ZER1: variants seen among roughly 807,000 people sequenced by gnomAD.
ZER1 encodes the protein protein zer-1 homolog.
Under a neutral mutation model 78.8 loss-of-function variants are expected in ZER1, and 11 were observed. The observed-to-expected ratio is 0.14, with a 90% CI of 0.09 to 0.23. ZER1 has a LOEUF of 0.23. Ranked by LOEUF, ZER1 falls within the 10% of genes least tolerant of loss-of-function variation. The probability of loss-of-function intolerance (pLI) is 1.00; values close to 1 mark genes in which losing one functional copy is unlikely to be tolerated. For missense variants in ZER1, 588 were observed against 996.9 expected, an observed-to-expected ratio of 0.59 and a Z score of 5.52; for synonymous variants, 400 against 407.0, an observed-to-expected ratio of 0.98 and a Z score of 0.21.
At chr9:128,738,854 T>G (rs1201018461) in intron 13 of ZER1, among the ~76,000 whole-genome samples, 1 of 145,774 alleles carries the variant, frequency 6.9e-6, no homozygotes, top group East Asian at 2.0e-4. Flanking sequence ...GCTCATTTTT[T>G]TTTTTTTTTT....
At chr9:128,735,487 T>C in intron 13 of ZER1, 56 bp from the exon 14 acceptor site, 1 of 1,534,174 alleles carries the variant, frequency 6.5e-7, no homozygotes, top group Non-Finnish European at 8.9e-7. Flanking sequence ...AGTGTGTCTT[T>C]TCTTGTCTGA....
At chr9:128,734,408 G>C (rs1456068659) in intron 14 of ZER1, among the ~76,000 whole-genome samples, 1 of 150,932 alleles carries the variant, frequency 6.6e-6, no homozygotes, top group African/African-American at 2.4e-5. Context: ...TGTTGGCCAG[G>C]GTGGTCTCAA....
At chr9:128,731,461 G>A in intron 15 of ZER1, 67 bp from the exon 16 acceptor site, 1 of 1,328,814 alleles carries the variant, frequency 7.5e-7, no homozygotes. Flanking sequence ...GCCCCTCCGA[G>A]ATCATTAGGC....
At chr9:128,745,230 T>G (rs2132424194) in intron 8 of ZER1, among the ~76,000 whole-genome samples, 1 of 148,642 alleles carries the variant, frequency 6.7e-6, no homozygotes, top group East Asian at 2.0e-4. Context: ...AGACAGTGTC[T>G]GATTCTGTTG....
In ZER1 at chr9:128,750,729, C is replaced by T; in HGVS notation, c.1246G>A (p.Ala416Thr). The stretch of plus-strand genomic sequence containing the variant: ...GAATTTGTTAGGTAGAAGAGAGCGG[C>T]GCTGCCTGTCACTTGAATGTTCCTG... ...YDRNIQVTGS[A>T]ALFYLTNSEY... The change falls in exon 8 of 16, where the codon GCC (alanine) becomes ACC (threonine). Residue 416 changes from alanine (A) to threonine (T), a missense_variant. Physicochemically the swap from Ala to Thr is moderately conservative, Grantham distance 58. This residue lies in a region of ZER1 where 406 missense variants were observed against 660.1 expected (regional missense o/e 0.62). Transcript: ENST00000291900. 1 of 1,614,204 alleles carries T rather than the reference C, an allele frequency of 6.2e-7. No homozygotes were observed. The highest frequency in any genetic ancestry group is 8.5e-7 in the Non-Finnish European group (1 of 1,180,048).
rs1358746979 is a variant in ZER1 at position 128,743,122 on chromosome 9, TC to T, written c.1360-378del. On this transcript the variant is annotated intron_variant, in intron 8 of 15. Coordinates refer to ENST00000291900, the MANE Select transcript of ZER1 (RefSeq NM_006336.4). ...CAATATCTCTGCTTTTCTTTTTCTT[TC>T]TTTTTTTTTTTTGAGATGGAGTGCT... Among the ~76,000 whole-genome samples, 3 of 150,434 alleles carry T rather than the reference TC, an allele frequency of 2.0e-5. No individual in the cohort carries two copies. In the East Asian group the frequency reaches 5.9e-4, roughly 30 times the overall value.
In ZER1 at chr9:128,738,084, G is replaced by A. The variant is rs540161615; in HGVS notation, c.2042+1847C>T. Among the ~76,000 whole-genome samples, 87 of 146,552 alleles carry A rather than the reference G, an allele frequency of 5.9e-4. 1 individual carries two copies. Among genetic ancestry groups the A allele is most frequent in the Non-Finnish European group, 1.0e-3 (67 of 67,116 alleles). ...TTTTGAGACGGAGTCTCGCTCTGTCGCCCAGGCTGGAGTGCAGTGGCGCGA... is the reference window on the plus strand; with the variant it reads ...TTTTGAGACGGAGTCTCGCTCTGTCACCCAGGCTGGAGTGCAGTGGCGCGA... On this transcript the variant is annotated intron_variant, in intron 13 of 15. Coordinates refer to ENST00000291900, the MANE Select transcript of ZER1 (RefSeq NM_006336.4).
At chr9:128,734,981 C>G (rs1300319132) in intron 14 of ZER1, among the ~76,000 whole-genome samples, 2 of 152,114 alleles carry the variant, frequency 1.3e-5, no homozygotes, top group African/African-American at 2.4e-5. Flanking sequence ...GCTGGAAACT[C>G]CAGACCTCAG....
Position 128,740,765 on chromosome 9 carries a change from T to C in ZER1, c.1853+7A>G. 1.3e-6 allele frequency: 1 copy of C among 780,712 alleles called. No homozygotes were observed. The highest frequency in any genetic ancestry group is 2.4e-6 in the Non-Finnish European group (1 of 418,018). 48.4% of individuals were successfully genotyped at this position (780,712 alleles called of 1,614,324 possible). ...AGGCAAAAAGGGAAAGGATTAAAAA[T>C]ACCAACCTGAAGACGCTGATGAACT... On this transcript the variant is annotated splice_region_variant and intron_variant, in intron 12 of 15. Coordinates refer to ENST00000291900, the MANE Select transcript of ZER1 (RefSeq NM_006336.4). The surrounding 1 kb of genome is among the most constrained non-coding windows in gnomAD (Gnocchi z 4.4).
Position 128,753,222 on chromosome 9 carries a change from A to G in ZER1, c.688T>C (p.Tyr230His). The change falls in exon 4 of 16, where the codon TAC (tyrosine) becomes CAC (histidine). Residue 230 changes from tyrosine to histidine, a missense_variant. Physicochemically the swap from Tyr to His is moderately conservative, Grantham distance 83 (BLOSUM62 2). Transcript: ENST00000291900. This position sits in a 1 kb window ranked among gnomAD's most constrained non-coding sequence, Gnocchi z 7.5. ...TGGTCGTCGGACAGGTCCATGTTGT[A>G]GAGGACGAGGGACACCAGGCTGTCT... Reference protein sequence around the residue: ...WKDSLVSLVLYNMDLSDDHIR... With the variant: ...WKDSLVSLVLHNMDLSDDHIR... 6.3e-7 allele frequency: 1 copy of G among 1,585,410 alleles called. No individual in the cohort carries two copies. Among genetic ancestry groups the G allele is most frequent in the Non-Finnish European group, 8.6e-7 (1 of 1,166,050 alleles).
At chr9:128,731,991 C>T (rs371607568) in intron 15 of ZER1, among the ~76,000 whole-genome samples, 7 of 152,228 alleles carry the variant, frequency 4.6e-5, no homozygotes, top group Non-Finnish European at 7.3e-5. Context: ...CCTTGGACCC[C>T]GGACAGCTTG....
chr9:128,761,363 T>C (rs928082677), intron 1 of ZER1, among the ~76,000 whole-genome samples: 4 of 151,746 alleles, frequency 2.6e-5, no homozygotes, highest in African/African-American at 9.7e-5. Flanking sequence ...CTCAGCTCAC[T>C]GCAACCTCTG....
At chr9:128,761,765 C>T (rs890126107) in intron 1 of ZER1, among the ~76,000 whole-genome samples, 1 of 151,904 alleles carries the variant, frequency 6.6e-6, no homozygotes, top group Admixed American at 6.6e-5. Flanking sequence ...CGACCACGCT[C>T]GGCTAATTTT....
At chr9:128,744,483 CT>C (rs745822457) in intron 8 of ZER1, among the ~76,000 whole-genome samples, 395 of 135,076 alleles carry the variant, frequency 2.9e-3, no homozygotes, top group Middle Eastern at 4.4e-3. Flanking sequence ...CGTGCAGGGC[CT>C]TTTTTTTTTT....
chr9:128,750,856 G>A (rs376409304), intron 7 of ZER1, 67 bp from the exon 8 acceptor site: 23 of 1,589,974 alleles, frequency 1.4e-5, no homozygotes, highest in Non-Finnish European at 2.0e-5. Flanking sequence ...GCAAGGGGCT[G>A]GAACAGGCTC....
chr9:128,760,856 C>T (rs1252775036), intron 1 of ZER1, among the ~76,000 whole-genome samples: 1 of 150,896 alleles, frequency 6.6e-6, no homozygotes, highest in Admixed American at 6.6e-5. Context: ...TCAGTTTCCT[C>T]ATCTGAAAAA....
intron 8 of ZER1, among the ~76,000 whole-genome samples, chr9:128,749,906 G>A (rs1049803328): frequency 6.6e-6 from 1 of 152,176 alleles, no homozygotes. Flanking sequence ...AGCCGGGCAT[G>A]GTGGCGCATG....
intron 1 of ZER1, among the ~76,000 whole-genome samples, chr9:128,767,391 G>A (rs939603626): frequency 5.3e-5 from 8 of 151,770 alleles, no homozygotes; most frequent in East Asian, 1.9e-4. Flanking sequence ...GACTACAGAC[G>A]TATACCAACA....
In ZER1 at chr9:128,753,397, G is replaced by A. The variant is rs771259283; in HGVS notation, c.513C>T (p.Phe171=). 5.5e-5 allele frequency: 89 copies of A among 1,614,022 alleles called. No individual in the cohort carries two copies. Among genetic ancestry groups the A allele is most frequent in the South Asian group, 2.1e-4 (19 of 91,078 alleles). The change falls in exon 4 of 16, where the codon TTC becomes TTT. Residue 171 remains phenylalanine (F), a synonymous_variant. Transcript: ENST00000291900. The surrounding 1 kb of genome is among the most constrained non-coding windows in gnomAD (Gnocchi z 7.5). ...TCQVLVKDFT[F]EGFSRLRFLN... is the part of the protein sequence containing the mutation. ...GGAAGCGGAGGCGGCTGAAGCCCTC[G>A]AAGGTGAAATCCTTAACCAGCACCT...
Sources: allele counts gnomAD v4.1 joint callset (sites outside exome capture counted in the v4.1 genomes callset), GRCh38; gene constraint gnomAD v4.1.1; regional missense constraint gnomAD v4.1.1; non-coding constraint Gnocchi (gnomAD v3.1); transcripts MANE v1.5; gene names NCBI Gene and HGNC (gene_info 2026-07-23, HGNC 2026-07-21).